The following STK4 variants were observed in gnomAD, a reference collection of about 807,000 sequenced individuals.
The protein encoded by STK4 is serine/threonine-protein kinase 4.
STK4 carries 30 observed loss-of-function variants against 64.9 expected under a neutral mutation model. That is an observed-to-expected ratio of 0.46 (90% CI 0.35 to 0.63). The LOEUF is 0.63. Ranked by LOEUF, STK4 falls within the 20% of genes least tolerant of loss-of-function variation. STK4 has a pLI of 0.01. For missense variants in STK4, 466 were observed against 598.5 expected (o/e 0.78, Z 2.31); for synonymous variants, 177 against 199.0 (o/e 0.89, Z 0.93).
At chr20:44,979,594 A>C (rs1297399641) in intron 3 of STK4, among the ~76,000 whole-genome samples, 3 of 152,194 alleles carry the variant, frequency 2.0e-5, no homozygotes, top group African/African-American at 7.2e-5. Context: ...AAATTCTCTC[A>C]GTTGAAGCTG....
chr20:45,011,729 A>ATTTT (rs869113711), intron 9 of STK4, among the ~76,000 whole-genome samples: 13 of 115,384 alleles, frequency 1.1e-4, no homozygotes, highest in African/African-American at 4.7e-4. Context: ...ATATATATAT[A>ATTTT]TTTTTTTTTT....
At chr20:44,998,448 T>C (rs1253619423) in intron 7 of STK4, among the ~76,000 whole-genome samples, 1 of 152,204 alleles carries the variant, frequency 6.6e-6, no homozygotes, top group Non-Finnish European at 1.5e-5. Flanking sequence ...GGTATGAACG[T>C]GATAAATATT....
rs2067448522 is a variant in STK4 at position 44,981,948 on chromosome 20, G to A, written c.360+5G>A. On this transcript the variant is annotated splice_donor_5th_base_variant and intron_variant, in intron 4 of 10. Transcript: ENST00000372806. ...ATTCGATTACGAAATAAAACGGTAG[G>A]TTTACCTTCTAGAACATGCAACTGA... The A allele has an allele frequency of 6.3e-7, 1 of 1,599,086 alleles. No homozygotes were observed. The highest frequency in any genetic ancestry group is 1.7e-5 in the Admixed American group (1 of 59,946).
intron 6 of STK4, among the ~76,000 whole-genome samples, chr20:44,996,930 T>A (rs2067741689): frequency 6.8e-6 from 1 of 147,698 alleles, no homozygotes; most frequent in Non-Finnish European, 1.5e-5. Flanking sequence ...AAAGCTTGAT[T>A]GATGTTGTGA....
chr20:45,002,696 C>G (rs559080465), intron 9 of STK4, among the ~76,000 whole-genome samples: 1 of 152,308 alleles, frequency 6.6e-6, no homozygotes, highest in Admixed American at 6.5e-5. Flanking sequence ...TATCACTCAG[C>G]TTCAGCAATG....
At chr20:45,002,119 G>A (rs1290607934) in intron 9 of STK4, among the ~76,000 whole-genome samples, 5 of 152,164 alleles carry the variant, frequency 3.3e-5, no homozygotes, top group Admixed American at 6.5e-5. Flanking sequence ...TCATTTTGCA[G>A]TAATGAGCTA....
At chr20:45,007,782 A>G in intron 9 of STK4, 1 of 423,812 alleles carries the variant, frequency 2.4e-6, no homozygotes, top group South Asian at 1.7e-5. Context: ...TTCAACTTTT[A>G]TTTTACATAC....
chr20:45,020,470 GTTTA>G (rs1331920289), intron 9 of STK4, among the ~76,000 whole-genome samples: 598 of 54,228 alleles, frequency 0.011, 2 homozygotes, highest in African/African-American at 0.05. Flanking sequence ...GTGTGTGTAT[GTTTA>G]TGTTTATGTT....
At chr20:44,989,367 C>T (rs6103949) in intron 5 of STK4, among the ~76,000 whole-genome samples, 6,970 of 152,046 alleles carry the variant, frequency 0.046, 524 homozygotes, top group African/African-American at 0.16. Context: ...CTAGTGATGT[C>T]GACTGTCATT....
intron 10 of STK4, among the ~76,000 whole-genome samples, chr20:45,064,499 T>C (rs1044564616): frequency 5.9e-5 from 9 of 152,214 alleles, no homozygotes; most frequent in African/African-American, 9.7e-5. Flanking sequence ...AGGAATAGCA[T>C]TGAATCTGTA....
chr20:45,073,082 G>A (rs1034469653), intron 10 of STK4, among the ~76,000 whole-genome samples: 1 of 152,152 alleles, frequency 6.6e-6, no homozygotes, highest in African/African-American at 2.4e-5. Flanking sequence ...TAGGACCTGT[G>A]ATCCCAAAGA....
intron 10 of STK4, among the ~76,000 whole-genome samples, chr20:45,036,647 G>A (rs2068532314): frequency 6.6e-6 from 1 of 152,174 alleles, no homozygotes; most frequent in Non-Finnish European, 1.5e-5. Context: ...TCTGTGGTAA[G>A]AACGAATCAT....
chr20:45,023,707 C>T (rs1319007043), intron 9 of STK4, among the ~76,000 whole-genome samples: 1 of 152,050 alleles, frequency 6.6e-6, no homozygotes, highest in African/African-American at 2.4e-5. Flanking sequence ...TAACTAATAG[C>T]TGCTGTATTC....
In STK4 at chr20:45,001,295, A is replaced by G. The variant is rs2067835914; in HGVS notation, c.1089A>G (p.Ser363=). The change falls in exon 9 of 11, where the codon TCA becomes TCG. Residue 363 remains serine (S), a synonymous_variant. Coordinates refer to ENST00000372806, the MANE Select transcript of STK4 (RefSeq NM_006282.5). Reference sequence around the variant, plus strand: ...TTGAGCACGATGACACGTTGCCATCACAACTGGGCACCATGGTGATCAATG... The same window carrying G: ...TTGAGCACGATGACACGTTGCCATCGCAACTGGGCACCATGGTGATCAATG... ...TMIEHDDTLP[S]QLGTMVINAE... The G allele has an allele frequency of 2.5e-6, 4 of 1,614,200 alleles. No individual in the cohort carries two copies. The East Asian group carries it at 6.7e-5, about 27-fold the overall frequency.
intron 1 of STK4, among the ~76,000 whole-genome samples, chr20:44,970,768 A>T (rs1418712632): frequency 6.6e-6 from 1 of 152,116 alleles, no homozygotes; most frequent in Admixed American, 6.5e-5. Flanking sequence ...ATAAACTATA[A>T]GATTGTCCTT....
intron 10 of STK4, among the ~76,000 whole-genome samples, chr20:45,040,970 T>C (rs1189430526): frequency 6.6e-6 from 1 of 152,172 alleles, no homozygotes; most frequent in Admixed American, 6.6e-5. Flanking sequence ...CCAGTACTTC[T>C]GACAACAATA....
Position 45,009,549 on chromosome 20 carries a change from G to GT in STK4, c.1147+8202dup, listed in dbSNP as rs538883275. On this transcript the variant is annotated intron_variant, in intron 9 of 10. Transcript: ENST00000372806. Reference sequence around the variant, plus strand: ...TTGGTTCCATATAAATTTTAGAATAGTTTTTTCTAGTTCCGTGAAGAATGT... The same window carrying GT: ...TTGGTTCCATATAAATTTTAGAATAGTTTTTTTCTAGTTCCGTGAAGAATGT... 9.7e-4 allele frequency among the ~76,000 whole-genome samples: 147 copies of GT among 152,246 alleles called. No individual in the cohort carries two copies. In the Middle Eastern group the frequency reaches 0.024, roughly 25 times the overall value.
chr20:44,976,374 G>A (rs2067338128), intron 2 of STK4, among the ~76,000 whole-genome samples: 1 of 152,152 alleles, frequency 6.6e-6, no homozygotes, highest in Admixed American at 6.5e-5. Flanking sequence ...AATCCTGAGA[G>A]TTTTTCATTC....
chr20:45,063,672 C>G (rs1332895157), intron 10 of STK4, among the ~76,000 whole-genome samples: 3 of 152,084 alleles, frequency 2.0e-5, no homozygotes, highest in Admixed American at 2.0e-4. Flanking sequence ...TTGCCAGGTC[C>G]TATGTCCAGA....
Sources: gnomAD v4.1 joint callset for allele counts (sites outside exome capture counted in the v4.1 genomes callset) on GRCh38, gnomAD v4.1.1 for gene constraint, MANE v1.5 for transcripts, NCBI Gene and HGNC (gene_info 2026-07-23, HGNC 2026-07-21) for gene names.